NLRP7: variants seen among roughly 807,000 people sequenced by gnomAD.
NLRP7 encodes NACHT, LRR and PYD domains-containing protein 7.
NLRP7 carries 72 observed loss-of-function variants against 85.5 expected under a neutral mutation model. That is an observed-to-expected ratio of 0.84 (90% CI 0.70 to 1.02). The LOEUF (loss-of-function observed/expected upper bound fraction) is 1.02. Among genes scored for constraint, NLRP7 ranks in the 50% least tolerant of loss-of-function variants. The pLI, the probability that NLRP7 is intolerant of heterozygous loss-of-function variation, is 0.00. For missense variants in NLRP7, 1,243 were observed against 1,219.5 expected, an observed-to-expected ratio of 1.02 and a Z score of -0.29; for synonymous variants, 550 against 505.2, an observed-to-expected ratio of 1.09 and a Z score of -1.19.
At chr19:54,964,719 G>A (rs2070265674) in intron 1 of NLRP7, among the ~76,000 whole-genome samples, 2 of 144,492 alleles carry the variant, frequency 1.4e-5, no homozygotes, top group South Asian at 2.1e-4. Flanking sequence ...TCAGCTACTC[G>A]GGAGGCTGAG....
chr19:54,935,101 T>C (rs1465113016), intron 6 of NLRP7, among the ~76,000 whole-genome samples: 2 of 152,180 alleles, frequency 1.3e-5, no homozygotes, highest in Admixed American at 6.6e-5. Flanking sequence ...AGATCTAATG[T>C]TGCCTCTGCT....
intron 9 of NLRP7, among the ~76,000 whole-genome samples, chr19:54,930,213 TC>T (rs1356655973): frequency 1.3e-5 from 2 of 151,230 alleles, no homozygotes; most frequent in African/African-American, 4.9e-5. Context: ...ATGCCTGTAA[TC>T]CTAGCACATT....
In NLRP7 at chr19:54,928,003, A is replaced by G. The variant is rs269935; in HGVS notation, c.2810+2496T>C. 0.56 allele frequency among the ~76,000 whole-genome samples: 84,309 copies of G among 151,872 alleles called. 23,645 individuals carry two copies. Among genetic ancestry groups the G allele is most frequent in the East Asian group, 0.72 (3,694 of 5,164 alleles). On this transcript the variant is annotated intron_variant, in intron 9 of 9. Coordinates refer to ENST00000340844, the Ensembl canonical transcript of NLRP7. ...AGCACCTTGGGAGGCCGAGGAGGGT[A>G]GATCACCTGAGGTCAGGAGTTCGAG...
chr19:54,929,825 T>C (rs542490352), intron 9 of NLRP7, among the ~76,000 whole-genome samples: 68 of 152,092 alleles, frequency 4.5e-4, no homozygotes, highest in African/African-American at 1.6e-3. Flanking sequence ...ATTGAAAACA[T>C]AGAAATTGGC....
At chr19:54,944,691 T>C (rs1214315576) in intron 1 of NLRP7, among the ~76,000 whole-genome samples, 2 of 151,900 alleles carry the variant, frequency 1.3e-5, no homozygotes, top group African/African-American at 2.4e-5. Flanking sequence ...TATATCCTAT[T>C]TTAGGATGGA....
At position 54,934,752 on chromosome 19, in the gene NLRP7, C is replaced by T. The variant is rs1292366016; in HGVS notation, c.2301-93G>A. 3 of 1,086,340 alleles carry T rather than the reference C, an allele frequency of 2.8e-6. No individual in the cohort carries two copies. The highest frequency in any genetic ancestry group is 3.9e-6 in the Non-Finnish European group (3 of 762,082). The allele number at this position is 1,086,340 out of a possible 1,614,324, so 67.3% of individuals were successfully genotyped here. A position where few individuals can be genotyped will look rare whatever the true frequency, so the allele number is the denominator to read the frequency against. On this transcript the variant is annotated intron_variant, in intron 6 of 9. Coordinates refer to ENST00000340844, the Ensembl canonical transcript of NLRP7. This position sits in a 1 kb window ranked among gnomAD's most constrained non-coding sequence, Gnocchi z 6.7. Reference sequence around the variant, plus strand: ...TGAGACAGAGTTTCACTCTGTTGCCCAGTCTGGAATGCAAAGGCGTGATCT... The same window carrying T: ...TGAGACAGAGTTTCACTCTGTTGCCTAGTCTGGAATGCAAAGGCGTGATCT...
chr19:54,950,325 G>C (rs371960389), upstream of NLRP7, among the ~76,000 whole-genome samples: 25 of 152,090 alleles, frequency 1.6e-4, no homozygotes, highest in African/African-American at 6.0e-4. Flanking sequence ...GGCATTTCTC[G>C]TTAGGTGGAA....
chr19:54,958,225 G>A (rs1229651391), intron 1 of NLRP7, among the ~76,000 whole-genome samples: 2 of 151,960 alleles, frequency 1.3e-5, no homozygotes, highest in Non-Finnish European at 1.5e-5. Context: ...AGACAGAGAG[G>A]GACAGGGAAA....
At chr19:54,927,800 C>T in intron 9 of NLRP7, 25 bp from the exon 10 acceptor site, 1 of 1,605,852 alleles carries the variant, frequency 6.2e-7, no homozygotes, top group Non-Finnish European at 8.5e-7. Context: ...CATGGAAATC[C>T]ACGCATTCAC....
chr19:54,951,054 A>C (rs2069651859), upstream of NLRP7, among the ~76,000 whole-genome samples: 1 of 152,230 alleles, frequency 6.6e-6, no homozygotes, highest in African/African-American at 2.4e-5. Context: ...CACATCTTGC[A>C]CAGCCCTTAA....
At chr19:54,952,031 C>T (rs1412544297), upstream of NLRP7, among the ~76,000 whole-genome samples, 4 of 152,064 alleles carry the variant, frequency 2.6e-5, no homozygotes, top group Non-Finnish European at 5.9e-5. Flanking sequence ...GGATTACAGG[C>T]GTGAGCCACC....
chr19:54,960,787 G>A (rs1268404624), intron 1 of NLRP7, among the ~76,000 whole-genome samples: 1 of 151,448 alleles, frequency 6.6e-6, no homozygotes, highest in East Asian at 2.0e-4. Flanking sequence ...AGTAGAGACG[G>A]GGTTTCACCG....
intron 1 of NLRP7, among the ~76,000 whole-genome samples, chr19:54,962,753 C>G (rs1351858898): frequency 6.6e-6 from 1 of 150,724 alleles, no homozygotes; most frequent in Non-Finnish European, 1.5e-5. Flanking sequence ...GCGCCCGCCA[C>G]CACGCCCGGC....
intron 1 of NLRP7, among the ~76,000 whole-genome samples, chr19:54,945,172 G>A (rs1217460858): frequency 6.6e-6 from 1 of 150,712 alleles, no homozygotes; most frequent in Non-Finnish European, 1.5e-5. Context: ...GAACCTGGGA[G>A]GCGGAGCTTG....
exon 2 of NLRP7, chr19:54,941,602 A>T (rs1216410984): frequency 6.2e-7 from 1 of 1,613,728 alleles, no homozygotes; most frequent in East Asian, 2.2e-5. Flanking sequence ...CTTCTGTAGC[A>T]CGTCTTCGAG....
At chr19:54,929,823 CAT>C (rs2068595762) in intron 9 of NLRP7, among the ~76,000 whole-genome samples, 1 of 151,984 alleles carries the variant, frequency 6.6e-6, no homozygotes, top group Non-Finnish European at 1.5e-5. Context: ...ATATTGAAAA[CAT>C]AGAAATTGGC....
At chr19:54,957,134 G>A (rs796272172) in intron 1 of NLRP7, among the ~76,000 whole-genome samples, 4 of 151,888 alleles carry the variant, frequency 2.6e-5, no homozygotes, top group African/African-American at 9.7e-5. Context: ...TAATCCTCCT[G>A]TCTCAGCCTC....
intron 1 of NLRP7, among the ~76,000 whole-genome samples, chr19:54,957,633 C>CT (rs2069902179): frequency 6.6e-6 from 1 of 152,146 alleles, no homozygotes; most frequent in African/African-American, 2.4e-5. Flanking sequence ...GCGTGAGCCA[C>CT]TGCACCCTAC....
At chr19:54,950,653 C>G (rs1361710954), upstream of NLRP7, among the ~76,000 whole-genome samples, 2 of 151,712 alleles carry the variant, frequency 1.3e-5, no homozygotes, top group Non-Finnish European at 2.9e-5. Flanking sequence ...GCCCGCATGT[C>G]CCACCTCCAG....
Sources: allele counts gnomAD v4.1 joint callset (sites outside exome capture counted in the v4.1 genomes callset), GRCh38; gene constraint gnomAD v4.1.1; non-coding constraint Gnocchi (gnomAD v3.1); transcripts MANE v1.5; gene names NCBI Gene and HGNC (gene_info 2026-07-23, HGNC 2026-07-21).